The following MYO3B variants were observed in gnomAD, a reference collection of about 807,000 sequenced individuals.
MYO3B encodes myosin IIIB, also known as myosin-IIIb.
A neutral mutation model predicts 174.6 loss-of-function variants in MYO3B; 156 were observed. The ratio of observed to expected loss-of-function variants is 0.89; its 90% CI spans 0.78 to 1.02. The LOEUF (loss-of-function observed/expected upper bound fraction) is 1.02. Ranked by LOEUF, MYO3B falls within the 50% of genes least tolerant of loss-of-function variation. The pLI, the probability that MYO3B is intolerant of heterozygous loss-of-function variation, is 0.00. For synonymous variants in MYO3B, 563 were observed against 569.1 expected (o/e 0.99, Z 0.15); for missense variants, 1,632 against 1,639.4 (o/e 1.00, Z 0.08).
chr2:170,199,717 C>A (rs2092640354), intron 2 of MYO3B, among the ~76,000 whole-genome samples: 2 of 152,208 alleles, frequency 1.3e-5, no homozygotes, highest in Admixed American at 1.3e-4. Context: ...ATTCAATCAT[C>A]TTACGCTGAC....
intron 8 of MYO3B, among the ~76,000 whole-genome samples, chr2:170,339,670 A>C (rs2093965785): frequency 6.6e-6 from 1 of 152,230 alleles, no homozygotes; most frequent in Non-Finnish European, 1.5e-5. Context: ...AAACATCTAA[A>C]AGTCTGAAAT....
chr2:170,387,378 G>T, intron 14 of MYO3B, 70 bp downstream of exon 14: 1 of 1,414,326 alleles, frequency 7.1e-7, no homozygotes, highest in South Asian at 1.2e-5. Context: ...AAATTTTAAT[G>T]GTTCAGTTTT....
At chr2:170,213,563 G>C (rs145732050) in intron 3 of MYO3B, among the ~76,000 whole-genome samples, 1 of 152,178 alleles carries the variant, frequency 6.6e-6, no homozygotes, top group Non-Finnish European at 1.5e-5. Flanking sequence ...CCTAGGCACC[G>C]GGCTACCTGC....
intron 7 of MYO3B, among the ~76,000 whole-genome samples, chr2:170,284,891 A>G (rs541346720): frequency 6.6e-6 from 1 of 152,330 alleles, no homozygotes; most frequent in Non-Finnish European, 1.5e-5. Flanking sequence ...CTTTCATTGC[A>G]TATGCATATA....
At chr2:170,552,642 A>G (rs777729785) in intron 32 of MYO3B, among the ~76,000 whole-genome samples, 13 of 152,234 alleles carry the variant, frequency 8.5e-5, no homozygotes, top group Non-Finnish European at 1.5e-4. Context: ...TTGCAGCCCA[A>G]TCATGTGGTT....
chr2:170,280,502 ATTTTGCCATGAAAT>A (rs1020063095), intron 7 of MYO3B, among the ~76,000 whole-genome samples: 22 of 148,720 alleles, frequency 1.5e-4, no homozygotes, highest in African/African-American at 2.9e-4. Context: ...TTTTGTGGCA[ATTTTGCCATGAAAT>A]TTTTGCCATG....
rs1030438123 is a variant in MYO3B, at chr2:170,346,474, G to A, written c.815+11024G>A. 2.6e-5 allele frequency: 4 copies of A among 152,180 alleles called. No individual in the cohort carries two copies. The South Asian group carries it at 8.3e-4, about 32-fold the overall frequency. The allele number at this position is 152,180 out of a possible 1,614,324, so 9.4% of individuals were successfully genotyped here. ...CATAAAACAATCACTACAATGTCAA[G>A]TATTAATATGACACCATAAAACAAT... On this transcript the variant is annotated intron_variant, in intron 8 of 34. Transcript: ENST00000408978.
intron 7 of MYO3B, among the ~76,000 whole-genome samples, chr2:170,290,837 T>C (rs2093590610): frequency 1.3e-5 from 2 of 151,850 alleles, no homozygotes; most frequent in South Asian, 4.2e-4. Context: ...GTGAATCTAT[T>C]ATAGGCATTC....
chr2:170,313,027 G>C (rs2093750428), intron 7 of MYO3B, among the ~76,000 whole-genome samples: 1 of 152,180 alleles, frequency 6.6e-6, no homozygotes, highest in Admixed American at 6.5e-5. Context: ...CTGGGTATCT[G>C]TTTTAGACAA....
intron 32 of MYO3B, among the ~76,000 whole-genome samples, chr2:170,649,560 C>A (rs1350435863): frequency 1.3e-5 from 2 of 148,434 alleles, no homozygotes; most frequent in Admixed American, 6.9e-5. Context: ...GGCACGGTGG[C>A]TCATGCCTGT....
intron 18 of MYO3B, 111 bp downstream of exon 18, chr2:170,401,802 C>CT (rs769531863): frequency 0.15 from 100,872 of 677,332 alleles, 18 homozygotes; most frequent in South Asian, 0.18. Context: ...CTTTCTTTTT[C>CT]TTTTTTTTTT....
At chr2:170,329,259 G>GACA (rs2093893621) in intron 7 of MYO3B, among the ~76,000 whole-genome samples, 2 of 149,148 alleles carry the variant, frequency 1.3e-5, no homozygotes, top group Non-Finnish European at 3.0e-5. Flanking sequence ...GTGTGTGTGT[G>GACA]TATATATATA....
At chr2:170,644,859 T>C (rs889766643) in intron 32 of MYO3B, among the ~76,000 whole-genome samples, 5 of 152,188 alleles carry the variant, frequency 3.3e-5, no homozygotes, top group Non-Finnish European at 5.9e-5. Context: ...TCTGACAGAT[T>C]TAGCTCCAGT....
intron 7 of MYO3B, 66 bp from the exon 8 acceptor site, chr2:170,335,319 C>T (rs1558900840): frequency 8.4e-7 from 1 of 1,189,144 alleles, no homozygotes; most frequent in Non-Finnish European, 1.2e-6. Flanking sequence ...TCAATAAAAA[C>T]AAGTTGATAT....
Position 170,404,381 on chromosome 2 carries a change from AACT to A in MYO3B, c.2413_2415del (p.Thr805del). Reference sequence around the variant, plus strand: ...ATGAGGAAAGTCGGTTTCCCCAAGCAACTGACCAGACCCTGGTTGGTAGGTAAC... The same window carrying A: ...ATGAGGAAAGTCGGTTTCCCCAAGCAGACCAGACCCTGGTTGGTAGGTAAC... On this transcript the variant is annotated inframe_deletion, in exon 20 of 35. Coordinates refer to ENST00000408978, the MANE Select transcript of MYO3B (RefSeq NM_138995.5). 6.2e-7 allele frequency: 1 copy of A among 1,613,026 alleles called. No individual in the cohort carries two copies.
chr2:170,256,294 G>A (rs2093303915), intron 7 of MYO3B, among the ~76,000 whole-genome samples: 1 of 152,106 alleles, frequency 6.6e-6, no homozygotes, highest in Admixed American at 6.5e-5. Context: ...CAACCCCTGT[G>A]AGATACTATA....
chr2:170,412,943 G>A (rs1177918261), intron 22 of MYO3B, among the ~76,000 whole-genome samples: 1 of 152,158 alleles, frequency 6.6e-6, no homozygotes, highest in Non-Finnish European at 1.5e-5. Context: ...GTGTATCTCA[G>A]TCAATAGATA....
chr2:170,477,442 A>G (rs544977592), intron 25 of MYO3B, among the ~76,000 whole-genome samples: 17 of 152,184 alleles, frequency 1.1e-4, no homozygotes, highest in Non-Finnish European at 4.4e-5. Context: ...ACAGGGATGG[A>G]GTGGACTTTA....
At chr2:170,646,882 A>G in intron 32 of MYO3B, 1 of 1,336,970 alleles carries the variant, frequency 7.5e-7, no homozygotes, top group Non-Finnish European at 1.0e-6. Context: ...TCGTTTTCTA[A>G]CTATATTTCT....
Sources: allele counts gnomAD v4.1 joint callset (sites outside exome capture counted in the v4.1 genomes callset), GRCh38; gene constraint gnomAD v4.1.1; transcripts MANE v1.5; gene names NCBI Gene and HGNC (gene_info 2026-07-23, HGNC 2026-07-21).